The following PPARGC1A variants were observed in gnomAD, a reference collection of about 807,000 sequenced individuals.
PPARGC1A encodes the protein peroxisome proliferator-activated receptor gamma coactivator 1-alpha.
A neutral mutation model predicts 88.7 loss-of-function variants in PPARGC1A; 25 were observed. The observed-to-expected ratio is 0.28, with a 90% CI of 0.21 to 0.39. The LOEUF is 0.39. Ranked by LOEUF, PPARGC1A falls within the 10% of genes least tolerant of loss-of-function variation. The probability of loss-of-function intolerance (pLI) is 1.00; values close to 1 mark genes in which losing one functional copy is unlikely to be tolerated. For missense variants in PPARGC1A, 880 were observed against 968.7 expected, an observed-to-expected ratio of 0.91 and a Z score of 1.22; for synonymous variants, 363 against 355.6, an observed-to-expected ratio of 1.02 and a Z score of -0.24.
the PPARGC1A span, among the ~76,000 whole-genome samples, chr4:24,108,441 A>G: frequency 1.3e-5 from 2 of 152,174 alleles, no homozygotes; most frequent in African/African-American, 2.4e-5. Flanking sequence ...AGTTCTAATA[A>G]TAAGTATTAT....
the PPARGC1A span, among the ~76,000 whole-genome samples, chr4:24,379,498 T>G: frequency 9.5e-3 from 1,451 of 152,228 alleles, 18 homozygotes; most frequent in African/African-American, 0.033. Context: ...CTGATCATTA[T>G]ACATTCTATG....
the PPARGC1A span, among the ~76,000 whole-genome samples, chr4:24,285,798 A>C: frequency 6.6e-6 from 1 of 152,142 alleles, no homozygotes; most frequent in African/African-American, 2.4e-5. Context: ...TTTCTCCCTC[A>C]TATATATTCT....
chr4:24,462,450 C>T, the PPARGC1A span, among the ~76,000 whole-genome samples: 2 of 151,960 alleles, frequency 1.3e-5, no homozygotes, highest in East Asian at 1.9e-4. Context: ...ATCAGTTCAT[C>T]CATCTGAATG....
chr4:24,064,887 G>A, the PPARGC1A span, among the ~76,000 whole-genome samples: 1 of 152,256 alleles, frequency 6.6e-6, no homozygotes, highest in South Asian at 2.1e-4. Flanking sequence ...ATCCAGGTTA[G>A]TGGATGTTGG....
the PPARGC1A span, among the ~76,000 whole-genome samples, chr4:24,105,983 C>T: frequency 6.6e-6 from 1 of 152,184 alleles, no homozygotes; most frequent in Admixed American, 6.5e-5. Context: ...AACTATGAAG[C>T]ACTAACTCAT....
chr4:24,437,818 T>C, the PPARGC1A span, among the ~76,000 whole-genome samples: 93 of 149,562 alleles, frequency 6.2e-4, no homozygotes, highest in African/African-American at 6.5e-4. Context: ...TCTTTGTTTC[T>C]AGTTTTTTTG....
At chr4:23,908,143 C>G (rs1720289958), upstream of PPARGC1A, among the ~76,000 whole-genome samples, 1 of 152,150 alleles carries the variant, frequency 6.6e-6, no homozygotes, top group Non-Finnish European at 1.5e-5. Context: ...CACATTGCCA[C>G]CAAGTGTAAC....
the PPARGC1A span, among the ~76,000 whole-genome samples, chr4:24,045,409 T>C: frequency 6.6e-6 from 1 of 152,136 alleles, no homozygotes; most frequent in Non-Finnish European, 1.5e-5. Context: ...TACCGTAAAC[T>C]GAGTGGCTTA....
the PPARGC1A span, among the ~76,000 whole-genome samples, chr4:24,270,496 T>C: frequency 6.6e-6 from 1 of 152,144 alleles, no homozygotes; most frequent in African/African-American, 2.4e-5. Flanking sequence ...GTGGCAATAG[T>C]CTATCATAAA....
At chr4:24,075,260 A>G in the PPARGC1A span, among the ~76,000 whole-genome samples, 5 of 152,190 alleles carry the variant, frequency 3.3e-5, no homozygotes, top group Non-Finnish European at 2.9e-5. Context: ...GCAATCTGCC[A>G]TCCTTCCTCC....
chr4:24,071,031 A>G, the PPARGC1A span, among the ~76,000 whole-genome samples: 6 of 152,214 alleles, frequency 3.9e-5, no homozygotes, highest in Non-Finnish European at 7.3e-5. Flanking sequence ...TTCTTTCAGC[A>G]TGTGAAACTA....
At chr4:24,130,453 A>G in the PPARGC1A span, among the ~76,000 whole-genome samples, 7 of 152,286 alleles carry the variant, frequency 4.6e-5, no homozygotes, top group Admixed American at 1.3e-4. Flanking sequence ...CTTCCCATGC[A>G]TTGCCTCATC....
At chr4:24,376,088 C>T in the PPARGC1A span, among the ~76,000 whole-genome samples, 7 of 151,600 alleles carry the variant, frequency 4.6e-5, no homozygotes, top group East Asian at 1.2e-3. Flanking sequence ...CATTAAAGAA[C>T]ACCTAACAGC....
At chr4:24,030,504 A>G in the PPARGC1A span, among the ~76,000 whole-genome samples, 1 of 152,216 alleles carries the variant, frequency 6.6e-6, no homozygotes, top group African/African-American at 2.4e-5. Flanking sequence ...ACTAAAAATA[A>G]TACCTTTTGA....
At chr4:24,182,435 G>A in the PPARGC1A span, among the ~76,000 whole-genome samples, 1 of 152,100 alleles carries the variant, frequency 6.6e-6, no homozygotes, top group African/African-American at 2.4e-5. Flanking sequence ...CTTTGCTATT[G>A]TAAATAGTTC....
At chr4:24,162,937 G>A in the PPARGC1A span, among the ~76,000 whole-genome samples, 1 of 151,574 alleles carries the variant, frequency 6.6e-6, no homozygotes, top group Non-Finnish European at 1.5e-5. Flanking sequence ...CCAGAAATGT[G>A]CAAGTGTTTT....
the PPARGC1A span, among the ~76,000 whole-genome samples, chr4:24,370,348 A>G: frequency 6.6e-6 from 1 of 152,214 alleles, no homozygotes; most frequent in Non-Finnish European, 1.5e-5. Context: ...TAATGGATGA[A>G]TAATAGGTAG....
chr4:24,299,890 G>A, the PPARGC1A span, among the ~76,000 whole-genome samples: 1 of 152,330 alleles, frequency 6.6e-6, no homozygotes, highest in Admixed American at 6.5e-5. Context: ...TATATTCATT[G>A]TATATTAATC....
the PPARGC1A span, among the ~76,000 whole-genome samples, chr4:24,284,818 G>A: frequency 6.6e-6 from 1 of 152,188 alleles, no homozygotes; most frequent in Admixed American, 6.5e-5. Flanking sequence ...CATGAGGTCA[G>A]GAGTTGGAGA....
Sources: allele counts gnomAD v4.1 joint callset (sites outside exome capture counted in the v4.1 genomes callset), GRCh38; gene constraint gnomAD v4.1.1; transcripts MANE v1.5; gene names NCBI Gene and HGNC (gene_info 2026-07-23, HGNC 2026-07-21).